The following NLRP1 variants were observed in gnomAD, a reference collection of about 807,000 sequenced individuals.
NLRP1 encodes the protein NLR family pyrin domain containing 1, also known as NACHT, LRR and PYD domains-containing protein 1.
A neutral mutation model predicts 136.7 loss-of-function variants in NLRP1; 94 were observed. The ratio of observed to expected loss-of-function variants is 0.69; its 90% CI spans 0.58 to 0.82. The LOEUF is 0.82. NLRP1 is among the 40% of genes least tolerant of loss of function. NLRP1 has a pLI of 0.00. For synonymous variants in NLRP1, 690 were observed against 725.1 expected, an observed-to-expected ratio of 0.95 and a Z score of 0.78; for missense variants, 1,575 against 1,802.7, an observed-to-expected ratio of 0.87 and a Z score of 2.29.
At chr17:5,570,904 G>A (rs576596955) in intron 3 of NLRP1, among the ~76,000 whole-genome samples, 16 of 152,148 alleles carry the variant, frequency 1.1e-4, no homozygotes, top group African/African-American at 3.4e-4. Context: ...GTCAAAAAGC[G>A]AATTCACCAC....
chr17:5,572,602 TG>T (rs1904503116), intron 3 of NLRP1, among the ~76,000 whole-genome samples: 1 of 151,386 alleles, frequency 6.6e-6, no homozygotes, highest in Middle Eastern at 3.4e-3. Flanking sequence ...CCCAGCTACT[TG>T]GGAGGGTGAG....
intron 5 of NLRP1, among the ~76,000 whole-genome samples, chr17:5,552,497 C>A (rs185699975): frequency 6.6e-6 from 1 of 152,108 alleles, no homozygotes; most frequent in East Asian, 1.9e-4. Context: ...CCAGCAAGCA[C>A]GAGATCACAC....
intron 15 of NLRP1, among the ~76,000 whole-genome samples, chr17:5,508,309 A>T (rs1039297304): frequency 6.6e-6 from 1 of 152,198 alleles, no homozygotes; most frequent in Non-Finnish European, 1.5e-5. Flanking sequence ...AAAGAAAAAT[A>T]AAAATTAAAA....
intron 3 of NLRP1, 84 bp from the exon 4 acceptor site, chr17:5,560,127 A>G: frequency 8.1e-7 from 1 of 1,231,342 alleles, no homozygotes; most frequent in Admixed American, 2.9e-5. Context: ...TTAGGCACCT[A>G]CTCCAAGCCA....
In NLRP1 at chr17:5,581,916, G is replaced by A. The variant is rs1250876717; in HGVS notation, c.595C>T (p.Gln199Ter). ...PPQPSLAPRE[Q>*]EAPGTQWPLD... ...GGCCATTGGGTCCCAGGAGCCTCCTGCTCTCTGGGTGCTAGGCTGGGCTGA... is the reference window on the plus strand; with the variant it reads ...GGCCATTGGGTCCCAGGAGCCTCCTACTCTCTGGGTGCTAGGCTGGGCTGA... Residue 199 changes from glutamine (Q) to a stop codon, truncating the protein, a stop_gained, in exon 3 of 17, where the codon CAG becomes TAG. Coordinates refer to ENST00000572272, the MANE Select transcript of NLRP1 (RefSeq NM_033004.4). LOFTEE classifies it high-confidence loss of function. 6.2e-7 allele frequency: 1 copy of A among 1,613,824 alleles called. No individual in the cohort carries two copies. The highest frequency in any genetic ancestry group is 1.3e-5 in the African/African-American group (1 of 75,026).
At chr17:5,539,274 T>A in intron 7 of NLRP1, 141 bp downstream of exon 7, 1 of 682,230 alleles carries the variant, frequency 1.5e-6, no homozygotes, top group Non-Finnish European at 2.3e-6. Flanking sequence ...ATTCAGCGAC[T>A]TGTCCAAGTC....
chr17:5,544,844 T>C (rs1912362684), intron 5 of NLRP1, among the ~76,000 whole-genome samples: 1 of 152,104 alleles, frequency 6.6e-6, no homozygotes, highest in Non-Finnish European at 1.5e-5. Flanking sequence ...AGGCTGAATT[T>C]CAGGAGCCTC....
At chr17:5,526,929 G>T (rs186502766) in intron 12 of NLRP1, among the ~76,000 whole-genome samples, 1 of 152,236 alleles carries the variant, frequency 6.6e-6, no homozygotes, top group African/African-American at 2.4e-5. Flanking sequence ...CTCATCACCC[G>T]TTCAGCGACG....
chr17:5,512,332 T>C (rs562384431), downstream of NLRP1: 363 of 1,374,928 alleles, frequency 2.6e-4, 5 homozygotes, highest in South Asian at 3.9e-3. Flanking sequence ...AAGAGGCGGG[T>C]CTACTTTAGC....
chr17:5,529,177 T>C (rs1909914910), intron 12 of NLRP1, among the ~76,000 whole-genome samples: 2 of 152,320 alleles, frequency 1.3e-5, no homozygotes, highest in Non-Finnish European at 2.9e-5. Context: ...CTTCTCTCTC[T>C]CTTTCCTGCA....
chr17:5,502,466 T>C (rs1353095438), intron 15 of NLRP1: 1 of 155,802 alleles, frequency 6.4e-6, no homozygotes, highest in African/African-American at 2.4e-5. Flanking sequence ...TTTTTTGTAT[T>C]TGCAGTAGAG....
intron 3 of NLRP1, among the ~76,000 whole-genome samples, chr17:5,576,261 G>T (rs1416694797): frequency 6.6e-6 from 1 of 152,242 alleles, no homozygotes; most frequent in Non-Finnish European, 1.5e-5. Flanking sequence ...CAGAAGGCAA[G>T]AAATAACTAA....
chr17:5,563,647 T>C lies in NLRP1; in HGVS notation c.653-3604A>G, dbSNP rs545778815. Among the ~76,000 whole-genome samples the C allele has an allele frequency of 2.6e-5, 4 of 152,284 alleles. No homozygotes were observed. The South Asian group carries it at 8.3e-4, about 32-fold the overall frequency. ...TTTGGAAAGAGACCAAATCTATGAC[T>C]CGCTGGCATCCCTGAAAGAGCATGA... On this transcript the variant is annotated intron_variant, in intron 3 of 16. Coordinates refer to ENST00000572272, the MANE Select transcript of NLRP1 (RefSeq NM_033004.4).
chr17:5,538,135 A>G (rs1911329079), intron 7 of NLRP1, among the ~76,000 whole-genome samples: 1 of 152,150 alleles, frequency 6.6e-6, no homozygotes, highest in Non-Finnish European at 1.5e-5. Context: ...GGGGGTTTGG[A>G]GCCCCTGTCT....
chr17:5,535,733 C>T (rs1303912624), intron 8 of NLRP1, among the ~76,000 whole-genome samples: 1 of 152,218 alleles, frequency 6.6e-6, no homozygotes, highest in Non-Finnish European at 1.5e-5. Flanking sequence ...CCTCTTAAGC[C>T]TAGGAGCTGT....
chr17:5,530,888 C>A (rs188168404), intron 11 of NLRP1, among the ~76,000 whole-genome samples, 184 bp from the exon 12 acceptor site: 35 of 152,300 alleles, frequency 2.3e-4, no homozygotes, highest in Admixed American at 1.1e-3. Flanking sequence ...CTGAGCAAGT[C>A]ATTTAACCTT....
intron 3 of NLRP1, among the ~76,000 whole-genome samples, chr17:5,564,863 G>A (rs889429594): frequency 6.8e-6 from 1 of 148,076 alleles, no homozygotes; most frequent in East Asian, 2.1e-4. Flanking sequence ...TCAGCCTCCC[G>A]AGTAGCTGGG....
At chr17:5,538,533 T>C (rs1911398642) in intron 7 of NLRP1, among the ~76,000 whole-genome samples, 1 of 152,128 alleles carries the variant, frequency 6.6e-6, no homozygotes, top group Admixed American at 6.5e-5. Flanking sequence ...CCCTCAATAT[T>C]ACATTCTCAT....
intron 5 of NLRP1, among the ~76,000 whole-genome samples, chr17:5,542,619 A>G (rs1387212042): frequency 6.6e-6 from 1 of 151,912 alleles, no homozygotes; most frequent in African/African-American, 2.4e-5. Flanking sequence ...TCTATAGCTC[A>G]TGTCACTCAC....
Sources: allele counts gnomAD v4.1 joint callset (sites outside exome capture counted in the v4.1 genomes callset), GRCh38; gene constraint gnomAD v4.1.1; transcripts MANE v1.5; gene names NCBI Gene and HGNC (gene_info 2026-07-23, HGNC 2026-07-21).